The following PTPRQ variants were observed in gnomAD, a reference collection of about 807,000 sequenced individuals.
PTPRQ encodes phosphatidylinositol phosphatase PTPRQ.
A neutral mutation model predicts 246.0 loss-of-function variants in PTPRQ; 199 were observed. The observed-to-expected ratio is 0.81, with a 90% CI of 0.72 to 0.91. PTPRQ has a LOEUF of 0.91. Ranked by LOEUF, PTPRQ falls within the 40% of genes least tolerant of loss-of-function variation. PTPRQ has a pLI of 0.00. For missense variants in PTPRQ, 2,624 were observed against 2,528.4 expected (o/e 1.04, Z -0.81); for synonymous variants, 869 against 853.2 (o/e 1.02, Z -0.32).
intron 30 of PTPRQ, among the ~76,000 whole-genome samples, chr12:80,618,902 A>AT (rs1289890694): frequency 6.6e-6 from 1 of 151,530 alleles, no homozygotes; most frequent in Non-Finnish European, 1.5e-5. Flanking sequence ...CTATTTATGT[A>AT]TTTTTATATG....
intron 8 of PTPRQ, among the ~76,000 whole-genome samples, chr12:80,477,219 CA>C (rs1468695815): frequency 6.6e-6 from 1 of 151,508 alleles, no homozygotes; most frequent in Non-Finnish European, 1.5e-5. Flanking sequence ...TTTAAAATAT[CA>C]GAAAAAAATC....
At chr12:80,447,193 T>C (rs1892580908) in intron 3 of PTPRQ, among the ~76,000 whole-genome samples, 1 of 152,128 alleles carries the variant, frequency 6.6e-6, no homozygotes, top group South Asian at 2.1e-4. Context: ...ACTGGCCACT[T>C]GTGTGTCTTC....
chr12:80,625,429 G>A (rs1436844066), intron 33 of PTPRQ, among the ~76,000 whole-genome samples: 1 of 152,158 alleles, frequency 6.6e-6, no homozygotes, highest in Non-Finnish European at 1.5e-5. Flanking sequence ...CAGGCAATGA[G>A]CACTAAGCCG....
intron 39 of PTPRQ, among the ~76,000 whole-genome samples, chr12:80,668,654 C>T (rs115422733): frequency 0.016 from 2,403 of 151,892 alleles, 66 homozygotes; most frequent in African/African-American, 0.055. Flanking sequence ...AGTACTAATT[C>T]ACAATGATTT....
chr12:80,624,878 TAAC>T (rs1393886105), intron 33 of PTPRQ, among the ~76,000 whole-genome samples: 4 of 152,086 alleles, frequency 2.6e-5, no homozygotes, highest in African/African-American at 9.7e-5. Context: ...ACATCAACAC[TAAC>T]AATAGCCGAT....
chr12:80,669,691 G>C (rs914349895), intron 41 of PTPRQ, among the ~76,000 whole-genome samples: 2 of 151,940 alleles, frequency 1.3e-5, no homozygotes, highest in African/African-American at 4.8e-5. Context: ...TAACCAATTA[G>C]CATCACATTC....
chr12:80,669,804 CAA>C (rs565383089), intron 41 of PTPRQ, among the ~76,000 whole-genome samples: 117 of 152,074 alleles, frequency 7.7e-4, no homozygotes, highest in African/African-American at 2.7e-3. Context: ...AGCAATTTCC[CAA>C]GTCACTCATC....
intron 25 of PTPRQ, chr12:80,586,635 A>G (rs1242849585): frequency 2.6e-5 from 4 of 152,332 alleles, no homozygotes; most frequent in South Asian, 2.1e-4. Context: ...TAAATTTTCA[A>G]TATCCCTGAA....
At chr12:80,625,012 C>T (rs1479623536) in intron 33 of PTPRQ, among the ~76,000 whole-genome samples, 1 of 152,158 alleles carries the variant, frequency 6.6e-6, no homozygotes. Context: ...GTTGGACAAG[C>T]TCGCCACAGA....
Position 80,679,140 on chromosome 12 carries a change from A to G in PTPRQ, c.*117A>G, listed in dbSNP as rs1901239554. On this transcript the variant is annotated 3_prime_UTR_variant, in exon 45 of 45. Transcript: ENST00000644991. ...TTAAAGAAATATCTATGCTTCTCTC[A>G]CTGTGCCTTTCCAAACGGATTGAAC... 1 of 1,268,610 alleles carries G rather than the reference A, an allele frequency of 7.9e-7. No homozygotes were observed. The highest frequency in any genetic ancestry group is 1.5e-5 in the African/African-American group (1 of 66,122). The allele number at this position is 1,268,610 out of a possible 1,614,324, so 78.6% of individuals were successfully genotyped here.
chr12:80,641,751 T>C (rs1232006731), intron 35 of PTPRQ, among the ~76,000 whole-genome samples: 1 of 152,150 alleles, frequency 6.6e-6, no homozygotes, highest in Non-Finnish European at 1.5e-5. Context: ...CTCTGGGCCA[T>C]TCCAGACTCA....
chr12:80,583,862 C>T (rs1592684405), intron 25 of PTPRQ: 2 of 152,138 alleles, frequency 1.3e-5, no homozygotes, highest in East Asian at 1.9e-4. Flanking sequence ...GAATTTAGTT[C>T]CTTGCAGTCA....
At chr12:80,614,676 C>A (rs1452575977) in intron 29 of PTPRQ, among the ~76,000 whole-genome samples, 1 of 150,654 alleles carries the variant, frequency 6.6e-6, no homozygotes, top group African/African-American at 2.4e-5. Context: ...TGTGAAAGAT[C>A]GATTAGAGGG....
At chr12:80,485,181 A>G (rs1026600027) in intron 9 of PTPRQ, among the ~76,000 whole-genome samples, 3 of 152,084 alleles carry the variant, frequency 2.0e-5, no homozygotes, top group Admixed American at 1.3e-4. Flanking sequence ...GCTTCTATTC[A>G]CACTGGAAGT....
At chr12:80,527,022 T>C (rs1402857249) in intron 17 of PTPRQ, among the ~76,000 whole-genome samples, 1 of 152,156 alleles carries the variant, frequency 6.6e-6, no homozygotes, top group Admixed American at 6.5e-5. Context: ...GATTATATTT[T>C]AAAGCTTGCT....
chr12:80,664,816 T>C (rs1278819559), intron 39 of PTPRQ, among the ~76,000 whole-genome samples: 1 of 152,038 alleles, frequency 6.6e-6, no homozygotes, highest in Non-Finnish European at 1.5e-5. Context: ...TTTCAGCAGC[T>C]CTGACTCTTT....
At position 80,486,305 on chromosome 12, in the gene PTPRQ, ACT is replaced by A. The variant is rs201129116; in HGVS notation, c.1359+1706_1359+1707del. Among the ~76,000 whole-genome samples, 1,238 of 151,886 alleles carry A rather than the reference ACT, an allele frequency of 8.2e-3. 17 individuals carry two copies. Among genetic ancestry groups the A allele is most frequent in the African/African-American group, 0.028 (1,178 of 41,440 alleles). On this transcript the variant is annotated intron_variant, in intron 9 of 44. Coordinates refer to ENST00000644991, the MANE Select transcript of PTPRQ (RefSeq NM_001145026.2). Reference sequence around the variant, plus strand: ...TGCTACCCAATATTACTTCCCTTATACTCTCTCAATGAAAGGAGACATTATGC... The same window carrying A: ...TGCTACCCAATATTACTTCCCTTATACTCTCAATGAAAGGAGACATTATGC...
intron 25 of PTPRQ, among the ~76,000 whole-genome samples, chr12:80,557,525 A>G (rs903763556): frequency 6.6e-6 from 1 of 151,850 alleles, no homozygotes; most frequent in African/African-American, 2.4e-5. Flanking sequence ...GCATAGAGCA[A>G]ACACCAAGTA....
chr12:80,466,371 G>C (rs571507482), intron 6 of PTPRQ, among the ~76,000 whole-genome samples: 3 of 152,186 alleles, frequency 2.0e-5, no homozygotes, highest in South Asian at 4.2e-4. Flanking sequence ...ACAAACAAAT[G>C]AAAGAACATT....
Sources: allele counts gnomAD v4.1 joint callset (sites outside exome capture counted in the v4.1 genomes callset), GRCh38; gene constraint gnomAD v4.1.1; transcripts MANE v1.5; gene names NCBI Gene and HGNC (gene_info 2026-07-23, HGNC 2026-07-21).